Variants in PPFIBP1 observed in about 807,000 individuals in gnomAD.
PPFIBP1 encodes PPFIB scaffold protein 1.
PPFIBP1 carries 112 observed loss-of-function variants against 137.8 expected under a neutral mutation model. The observed-to-expected ratio is 0.81, with a 90% CI of 0.70 to 0.95. The LOEUF is 0.95. Ranked by LOEUF, PPFIBP1 falls within the 40% of genes least tolerant of loss-of-function variation. PPFIBP1 has a pLI of 0.00. For missense variants in PPFIBP1, 1,083 were observed against 1,196.6 expected, an observed-to-expected ratio of 0.91 and a Z score of 1.40; for synonymous variants, 378 against 417.3, an observed-to-expected ratio of 0.91 and a Z score of 1.15.
At chr12:27,620,610 C>T (rs549806183) in intron 2 of PPFIBP1, among the ~76,000 whole-genome samples, 23 of 152,300 alleles carry the variant, frequency 1.5e-4, no homozygotes, top group African/African-American at 4.3e-4. Context: ...TAAGAGGATG[C>T]GCTCTGCTGC....
chr12:27,660,300 G>A (rs1459152120), intron 10 of PPFIBP1, among the ~76,000 whole-genome samples: 2 of 152,056 alleles, frequency 1.3e-5, no homozygotes, highest in African/African-American at 4.8e-5. Context: ...GCTTACTTTG[G>A]CCTTTATGTC....
chr12:27,637,344 T>C (rs187771957), intron 4 of PPFIBP1: 1 of 152,338 alleles, frequency 6.6e-6, no homozygotes, highest in Non-Finnish European at 1.5e-5. Context: ...TTAAATTTAT[T>C]CTTTGGATGG....
chr12:27,611,529 T>C (rs527769822), intron 2 of PPFIBP1, among the ~76,000 whole-genome samples: 6 of 152,296 alleles, frequency 3.9e-5, no homozygotes, highest in Non-Finnish European at 8.8e-5. Context: ...TCCTGGGGCT[T>C]AGGATTTCAA....
intron 4 of PPFIBP1, among the ~76,000 whole-genome samples, chr12:27,638,912 C>T (rs2057895846): frequency 6.6e-6 from 1 of 152,014 alleles, no homozygotes; most frequent in Non-Finnish European, 1.5e-5. Context: ...TTGAGAGGCC[C>T]TGTACTTTAA....
rs1565839006 is a variant in PPFIBP1 at position 27,596,110 on chromosome 12, A to ACGCGCG, written c.-36+17871_-36+17872insCGCGCG. Among the ~76,000 whole-genome samples, 5 of 32,716 alleles carry ACGCGCG rather than the reference A, an allele frequency of 1.5e-4. No individual in the cohort carries two copies. The South Asian group carries it at 3.5e-3, about 23-fold the overall frequency. 21.5% of individuals were successfully genotyped at this position (32,716 alleles called of 152,430 possible). On this transcript the variant is annotated intron_variant, in intron 2 of 29. Transcript: ENST00000228425. ...CACACACACACACACACACACACAT[A>ACGCGCG]TGCTTACAAATGGCAAAAAGCCAAG...
chr12:27,616,724 C>A (rs1422661075), intron 2 of PPFIBP1, among the ~76,000 whole-genome samples: 1 of 152,150 alleles, frequency 6.6e-6, no homozygotes, highest in Non-Finnish European at 1.5e-5. Context: ...TGATGGAAGG[C>A]CAGGGGCCAA....
At position 27,665,969 on chromosome 12, in the gene PPFIBP1, G is replaced by A. The variant is rs373724370; in HGVS notation, c.992-1197G>A. Among the ~76,000 whole-genome samples the A allele has an allele frequency of 2.6e-5, 4 of 152,194 alleles. No homozygotes were observed. The East Asian group carries it at 5.8e-4, about 22-fold the overall frequency. On this transcript the variant is annotated intron_variant, in intron 12 of 29. Coordinates refer to ENST00000228425, the MANE Select transcript of PPFIBP1 (RefSeq NM_003622.4). ...TATGGAATATTGCAAATTTGTAAGT[G>A]ATTAATTTTTACATATGCCTGGCAT...
intron 2 of PPFIBP1, chr12:27,592,785 A>T (rs902783284): frequency 3.0e-5 from 22 of 735,486 alleles, no homozygotes; most frequent in Middle Eastern, 3.1e-4. Flanking sequence ...GGTAGGCGTA[A>T]CCATGACAGC....
chr12:27,559,867 G>A (rs1044480266), intron 1 of PPFIBP1, among the ~76,000 whole-genome samples: 7 of 152,244 alleles, frequency 4.6e-5, no homozygotes, highest in African/African-American at 1.7e-4. Flanking sequence ...ATTGGGGTAA[G>A]TTGACATTTT....
chr12:27,569,316 A>C (rs1004137822), intron 1 of PPFIBP1, among the ~76,000 whole-genome samples: 1 of 152,170 alleles, frequency 6.6e-6, no homozygotes, highest in African/African-American at 2.4e-5. Context: ...TGATATATTA[A>C]ATACTGTAAA....
In PPFIBP1 at chr12:27,680,025, G is replaced by T. The variant is rs377120565; in HGVS notation, c.1859G>T (p.Arg620Leu). 2 of 1,613,984 alleles carry T rather than the reference G, an allele frequency of 1.2e-6. No homozygotes were observed. The highest frequency in any genetic ancestry group is 2.7e-5 in the African/African-American group (2 of 74,906). ...GGGACAAGGGCAACCGCGGGGCCCC[G>T]ATTAGGTTGGTCTCGAGACTTGGGA... ...RGGTRATAGPRLGWSRDLGQS... is the reference protein window; with the variant it reads ...RGGTRATAGPLLGWSRDLGQS... The change falls in exon 21 of 30, where the codon CGA becomes CTA. Residue 620 changes from arginine (R) to leucine (L), a missense_variant. Physicochemically the swap from Arg to Leu is moderately radical, Grantham distance 102. Coordinates refer to ENST00000228425, the MANE Select transcript of PPFIBP1 (RefSeq NM_003622.4).
chr12:27,639,392 C>T (rs541327349), intron 4 of PPFIBP1, among the ~76,000 whole-genome samples: 122 of 152,162 alleles, frequency 8.0e-4, no homozygotes, highest in Non-Finnish European at 1.6e-3. Flanking sequence ...TTGAGTTAAG[C>T]AAGTAGTTAC....
intron 13 of PPFIBP1, among the ~76,000 whole-genome samples, chr12:27,668,478 T>A (rs576607575): frequency 3.9e-5 from 6 of 152,364 alleles, no homozygotes; most frequent in African/African-American, 1.4e-4. Flanking sequence ...CTCTGGGCTA[T>A]TGGCTCTTCC....
At chr12:27,547,050 C>G (rs983946178) in intron 1 of PPFIBP1, 1 of 152,164 alleles carries the variant, frequency 6.6e-6, no homozygotes, top group African/African-American at 2.4e-5. Flanking sequence ...ATAAAGTGTT[C>G]AGGACTCAGT....
At chr12:27,617,965 C>T (rs985842090) in intron 2 of PPFIBP1, among the ~76,000 whole-genome samples, 3 of 152,184 alleles carry the variant, frequency 2.0e-5, no homozygotes, top group Admixed American at 6.5e-5. Flanking sequence ...CAAGACAACT[C>T]AACACATTTA....
chr12:27,685,515 CTAAGTG>C (rs2061152997), intron 24 of PPFIBP1, among the ~76,000 whole-genome samples: 1 of 152,188 alleles, frequency 6.6e-6, no homozygotes, highest in Admixed American at 6.5e-5. Flanking sequence ...GCCTCCCTCT[CTAAGTG>C]TGAGTATGTT....
At chr12:27,668,489 C>T (rs1321235644) in intron 13 of PPFIBP1, among the ~76,000 whole-genome samples, 2 of 152,210 alleles carry the variant, frequency 1.3e-5, no homozygotes, top group Admixed American at 6.5e-5. Context: ...TGGCTCTTCC[C>T]TCTAAGTCAT....
intron 13 of PPFIBP1, among the ~76,000 whole-genome samples, chr12:27,671,131 C>T (rs112238465): frequency 1.3e-4 from 19 of 151,252 alleles, no homozygotes; most frequent in Middle Eastern, 3.4e-3. Context: ...AGCAAGACGC[C>T]GTCTCAAAAA....
At chr12:27,671,979 A>G (rs972865965) in intron 14 of PPFIBP1, among the ~76,000 whole-genome samples, 1 of 152,168 alleles carries the variant, frequency 6.6e-6, no homozygotes, top group Non-Finnish European at 1.5e-5. Flanking sequence ...GCTGAGGCAC[A>G]GGAATCACAT....
Sources: gnomAD v4.1 joint callset for allele counts (sites outside exome capture counted in the v4.1 genomes callset) on GRCh38, gnomAD v4.1.1 for gene constraint, MANE v1.5 for transcripts, NCBI Gene and HGNC (gene_info 2026-07-23, HGNC 2026-07-21) for gene names.